Variants in RGSL1 observed in about 807,000 individuals in gnomAD.
RGSL1 encodes the protein regulator of G protein signaling like 1, also known as regulator of G protein signaling protein-like.
RGSL1 carries 97 observed loss-of-function variants against 124.7 expected under a neutral mutation model. The ratio of observed to expected loss-of-function variants is 0.78; its 90% CI spans 0.66 to 0.92. RGSL1 has a LOEUF of 0.92. Among genes scored for constraint, RGSL1 ranks in the 40% least tolerant of loss-of-function variants. RGSL1 has a pLI of 0.00. For synonymous variants in RGSL1, 424 were observed against 438.1 expected (o/e 0.97, Z 0.40); for missense variants, 1,233 against 1,288.4 (o/e 0.96, Z 0.66).
intron 9 of RGSL1, among the ~76,000 whole-genome samples, chr1:182,494,110 C>T (rs918197656): frequency 5.9e-5 from 9 of 152,276 alleles, no homozygotes; most frequent in South Asian, 4.1e-4. Flanking sequence ...CCTGAGCCCC[C>T]GGTCATCACG....
intron 9 of RGSL1, among the ~76,000 whole-genome samples, chr1:182,508,869 T>C (rs1657067825): frequency 1.0e-5 from 1 of 100,258 alleles, no homozygotes. Flanking sequence ...TTACTTGAGA[T>C]TAGGGATTGG....
chr1:182,537,706 C>T (rs2102290943), intron 14 of RGSL1, among the ~76,000 whole-genome samples: 1 of 152,212 alleles, frequency 6.6e-6, no homozygotes, highest in Non-Finnish European at 1.5e-5. Flanking sequence ...TACTAGATTC[C>T]TCATAAATTA....
chr1:182,494,591 G>T (rs908283125), intron 9 of RGSL1, among the ~76,000 whole-genome samples: 6 of 152,084 alleles, frequency 3.9e-5, no homozygotes, highest in Admixed American at 1.3e-4. Context: ...GAACCTAAAG[G>T]TATAAAGATG....
At chr1:182,557,412 A>G (rs938637407) in intron 21 of RGSL1, among the ~76,000 whole-genome samples, 3 of 152,242 alleles carry the variant, frequency 2.0e-5, no homozygotes, top group African/African-American at 7.2e-5. Context: ...TTTCATCAAA[A>G]AAGAACAAGT....
intron 10 of RGSL1, among the ~76,000 whole-genome samples, chr1:182,523,843 T>C (rs1658536461): frequency 6.6e-6 from 1 of 152,236 alleles, no homozygotes. Flanking sequence ...CTTAAAATGT[T>C]ATGATAACAT....
chr1:182,522,123 T>A lies in RGSL1; in HGVS notation c.1931+14T>A. ...AATGAGACCCAGGTGAGATATAGAA[T>A]CTGTTTACAGCAACATCTTCAGGTA... is the stretch of plus-strand genomic sequence containing the variant. On this transcript the variant is annotated intron_variant, in intron 10 of 21. Coordinates refer to ENST00000294854, the MANE Select transcript of RGSL1 (RefSeq NM_001137669.2). The A allele has an allele frequency of 6.0e-6, 9 of 1,504,806 alleles. No individual in the cohort carries two copies. The highest frequency in any genetic ancestry group is 8.1e-6 in the Non-Finnish European group (9 of 1,108,378). 93.2% of individuals were successfully genotyped at this position (1,504,806 alleles called of 1,614,324 possible).
Position 182,554,592 on chromosome 1 carries a change from G to A in RGSL1, c.3131-35G>A, listed in dbSNP as rs566849012. ...TTCAGTGACTGCGTCTATGTCATGA[G>A]TCCTGATGCAATTTTTCTCTGTATT... On this transcript the variant is annotated intron_variant, in intron 19 of 21. Transcript: ENST00000294854. 1.0e-4 allele frequency: 158 copies of A among 1,543,680 alleles called. No homozygotes were observed. The African/African-American group carries it at 2.1e-3, about 20-fold the overall frequency.
At chr1:182,495,623 G>A (rs1004377590) in intron 9 of RGSL1, among the ~76,000 whole-genome samples, 8 of 152,292 alleles carry the variant, frequency 5.3e-5, no homozygotes, top group South Asian at 2.1e-4. Flanking sequence ...TTATGGCGTT[G>A]CAGGGGATTT....
chr1:182,519,009 A>AT (rs970658464), intron 9 of RGSL1, among the ~76,000 whole-genome samples: 5 of 144,048 alleles, frequency 3.5e-5, no homozygotes, highest in Admixed American at 2.7e-4. Flanking sequence ...TTAGATTAAA[A>AT]TGGGGGGGGG....
At chr1:182,490,383 G>A (rs1440131175) in intron 8 of RGSL1, among the ~76,000 whole-genome samples, 1 of 152,214 alleles carries the variant, frequency 6.6e-6, no homozygotes, top group African/African-American at 2.4e-5. Flanking sequence ...CAGGTGCTAA[G>A]TAAATGGTAC....
At chr1:182,542,080 T>G (rs1030271514) in intron 15 of RGSL1, among the ~76,000 whole-genome samples, 4 of 152,180 alleles carry the variant, frequency 2.6e-5, no homozygotes, top group Non-Finnish European at 5.9e-5. Context: ...CTTTTTAGCT[T>G]GATGTGATCC....
chr1:182,507,110 C>T (rs1466724657), intron 9 of RGSL1: 1 of 151,734 alleles, frequency 6.6e-6, no homozygotes, highest in Non-Finnish European at 1.5e-5. Flanking sequence ...CTGCCTCAGC[C>T]TCCTAAGTAG....
intron 9 of RGSL1, among the ~76,000 whole-genome samples, chr1:182,503,988 T>C (rs796121681): frequency 6.8e-6 from 1 of 146,082 alleles, no homozygotes; most frequent in African/African-American, 2.5e-5. Context: ...TTTTTTTTTT[T>C]TTTTTTTTTT....
intron 14 of RGSL1, among the ~76,000 whole-genome samples, chr1:182,536,606 C>A (rs1405130066): frequency 2.6e-5 from 4 of 152,112 alleles, no homozygotes; most frequent in Non-Finnish European, 4.4e-5. Context: ...TTTCACACTG[C>A]TAATAAAGAC....
chr1:182,554,452 A>C (rs1660744824), intron 19 of RGSL1, among the ~76,000 whole-genome samples, 175 bp from the exon 20 acceptor site: 1 of 152,190 alleles, frequency 6.6e-6, no homozygotes, highest in South Asian at 2.1e-4. Context: ...TGCAGCATAG[A>C]AACAAGGTCT....
intron 14 of RGSL1, among the ~76,000 whole-genome samples, chr1:182,539,598 T>G (rs1191781926): frequency 6.6e-6 from 1 of 152,166 alleles, no homozygotes; most frequent in Non-Finnish European, 1.5e-5. Context: ...GATAACTAAC[T>G]AGGGTCCATT....
At chr1:182,530,442 T>C (rs1248236933) in intron 12 of RGSL1, 81 bp downstream of exon 12, 1 of 1,107,354 alleles carries the variant, frequency 9.0e-7, no homozygotes, top group East Asian at 2.6e-5. Flanking sequence ...AAGGGTTTCC[T>C]AATCCATTTT....
At chr1:182,512,164 A>G (rs1176012843) in intron 9 of RGSL1, among the ~76,000 whole-genome samples, 1 of 152,058 alleles carries the variant, frequency 6.6e-6, no homozygotes, top group Non-Finnish European at 1.5e-5. Flanking sequence ...ATATCTATTA[A>G]TGTTTGTTTT....
chr1:182,526,922 G>C (rs1034880921), intron 10 of RGSL1, among the ~76,000 whole-genome samples: 1 of 152,130 alleles, frequency 6.6e-6, no homozygotes, highest in Admixed American at 6.5e-5. Context: ...AGAAGAAGTA[G>C]GTCAAGATGT....
Sources: gnomAD v4.1 joint callset for allele counts (sites outside exome capture counted in the v4.1 genomes callset) on GRCh38, gnomAD v4.1.1 for gene constraint, MANE v1.5 for transcripts, NCBI Gene and HGNC (gene_info 2026-07-23, HGNC 2026-07-21) for gene names.